Variants in ADAMTS19 observed in about 807,000 individuals in gnomAD.
ADAMTS19 encodes the protein ADAM metallopeptidase with thrombospondin type 1 motif 19, also known as A disintegrin and metalloproteinase with thrombospondin motifs 19.
Under a neutral mutation model 153.3 loss-of-function variants are expected in ADAMTS19, and 93 were observed. The ratio of observed to expected loss-of-function variants is 0.61; its 90% CI spans 0.51 to 0.72. The LOEUF (loss-of-function observed/expected upper bound fraction) is 0.72, where lower values mean the gene tolerates loss of function less well. Among genes scored for constraint, ADAMTS19 ranks in the 30% least tolerant of loss-of-function variants. ADAMTS19 has a pLI of 0.00. For synonymous variants in ADAMTS19, 600 were observed against 556.6 expected (o/e 1.08, Z -1.10); for missense variants, 1,482 against 1,552.1 (o/e 0.95, Z 0.76).
At chr5:129,633,426 T>C (rs1752395396) in intron 10 of ADAMTS19, among the ~76,000 whole-genome samples, 1 of 152,196 alleles carries the variant, frequency 6.6e-6, no homozygotes, top group African/African-American at 2.4e-5. Flanking sequence ...AATTTTTACT[T>C]CTATACTAGA....
intron 6 of ADAMTS19, among the ~76,000 whole-genome samples, chr5:129,547,283 T>A (rs865873933): frequency 1.3e-5 from 2 of 150,664 alleles, no homozygotes; most frequent in African/African-American, 5.0e-5. Context: ...TGGAAGCTAG[T>A]GAAGGCAAGG....
intron 8 of ADAMTS19, among the ~76,000 whole-genome samples, chr5:129,601,668 C>G (rs1251826909): frequency 6.6e-6 from 1 of 152,178 alleles, no homozygotes; most frequent in Non-Finnish European, 1.5e-5. Context: ...GCTCAAGCTT[C>G]CAGTTGTTCT....
intron 15 of ADAMTS19, among the ~76,000 whole-genome samples, chr5:129,663,084 C>T (rs557784982): frequency 7.2e-5 from 11 of 151,876 alleles, no homozygotes; most frequent in African/African-American, 2.2e-4. Context: ...TTAGTAGAGA[C>T]GGGGTTTCAC....
At chr5:129,723,974 A>T (rs1757107179) in intron 21 of ADAMTS19, among the ~76,000 whole-genome samples, 1 of 152,212 alleles carries the variant, frequency 6.6e-6, no homozygotes, top group Non-Finnish European at 1.5e-5. Context: ...TTATTTAAAG[A>T]CCTGGAATCA....
At chr5:129,623,857 A>T (rs2126983506) in intron 10 of ADAMTS19, among the ~76,000 whole-genome samples, 1 of 146,044 alleles carries the variant, frequency 6.8e-6, no homozygotes, top group Admixed American at 7.0e-5. Context: ...GAGGTGGCTC[A>T]CACCTGTAAT....
chr5:129,486,048 C>T (rs2126679775), intron 2 of ADAMTS19, among the ~76,000 whole-genome samples: 1 of 152,258 alleles, frequency 6.6e-6, no homozygotes, highest in Middle Eastern at 3.4e-3. Context: ...GCCTCACCCT[C>T]CCAAACTGCT....
chr5:129,463,865 C>G (rs1262709299), intron 2 of ADAMTS19, among the ~76,000 whole-genome samples: 2 of 152,166 alleles, frequency 1.3e-5, no homozygotes, highest in Admixed American at 1.3e-4. Context: ...ATAGAATGTT[C>G]TGCCTTTTAG....
At chr5:129,517,256 G>A (rs2126740311) in intron 3 of ADAMTS19, among the ~76,000 whole-genome samples, 1 of 152,006 alleles carries the variant, frequency 6.6e-6, no homozygotes. Flanking sequence ...ATGGTATTCT[G>A]CAGCTCTTGG....
intron 21 of ADAMTS19, among the ~76,000 whole-genome samples, chr5:129,719,174 T>C (rs1212829974): frequency 5.3e-5 from 8 of 152,226 alleles, no homozygotes; most frequent in Non-Finnish European, 8.8e-5. Context: ...GTGATATTTT[T>C]ACTGTTGTGT....
rs148778677 is a variant in ADAMTS19, at chr5:129,465,008, G to A, written c.747+3251G>A. Among the ~76,000 whole-genome samples, 128 of 152,180 alleles carry A rather than the reference G, an allele frequency of 8.4e-4. 2 individuals carry two copies. Among genetic ancestry groups the A allele is most frequent in the African/African-American group, 3.0e-3 (124 of 41,524 alleles). On this transcript the variant is annotated intron_variant, in intron 2 of 22. Coordinates refer to ENST00000274487, the MANE Select transcript of ADAMTS19 (RefSeq NM_133638.6). ...TGAAGCAGTCTCGATATATTTCACA[G>A]GGCCCTCAACCTAACTTGCCAGTTA...
At chr5:129,544,945 A>C (rs1381231393) in intron 6 of ADAMTS19, among the ~76,000 whole-genome samples, 1 of 152,164 alleles carries the variant, frequency 6.6e-6, no homozygotes, top group Non-Finnish European at 1.5e-5. Context: ...ACTTAGTGAA[A>C]GCATATGCAA....
In ADAMTS19 at chr5:129,509,061, G is replaced by C. The variant is rs576852196; in HGVS notation, c.748-16G>C. ...AATGATATTTCTTACATATCTTTTT[G>C]TGTTATATATTCCAGATGGGATTTA... On this transcript the variant is annotated splice_polypyrimidine_tract_variant and intron_variant, in intron 2 of 22. Transcript: ENST00000274487. 20 of 1,546,180 alleles carry C rather than the reference G, an allele frequency of 1.3e-5. 1 individual carries two copies. In the South Asian group the frequency reaches 2.3e-4, roughly 18 times the overall value.
intron 2 of ADAMTS19, among the ~76,000 whole-genome samples, chr5:129,474,210 C>T (rs1750153013): frequency 1.3e-5 from 2 of 152,114 alleles, no homozygotes; most frequent in South Asian, 2.1e-4. Flanking sequence ...GAGGTTCATC[C>T]ATGTGGTAGC....
intron 21 of ADAMTS19, among the ~76,000 whole-genome samples, chr5:129,712,233 C>T (rs1386215992): frequency 1.3e-5 from 2 of 152,084 alleles, no homozygotes; most frequent in African/African-American, 4.8e-5. Flanking sequence ...AGAAAACTAT[C>T]ACACCGAAAG....
intron 17 of ADAMTS19, among the ~76,000 whole-genome samples, chr5:129,680,337 G>T (rs771136241): frequency 2.6e-5 from 4 of 152,098 alleles, no homozygotes; most frequent in Admixed American, 1.3e-4. Flanking sequence ...TATTCTACCC[G>T]AGAGAAGGAA....
chr5:129,544,479 A>C (rs1752781692), intron 6 of ADAMTS19, among the ~76,000 whole-genome samples: 1 of 152,204 alleles, frequency 6.6e-6, no homozygotes, highest in Non-Finnish European at 1.5e-5. Context: ...TAGGTCACAG[A>C]TTAAGTCCAG....
intron 21 of ADAMTS19, among the ~76,000 whole-genome samples, chr5:129,705,659 C>T (rs1561660441): frequency 6.6e-6 from 1 of 152,290 alleles, no homozygotes; most frequent in Non-Finnish European, 1.5e-5. Flanking sequence ...CATAAGGAAA[C>T]TTCACACTTC....
chr5:129,658,630 A>ACCC lies in ADAMTS19; in HGVS notation c.2318_2319insCCC (p.Asp773_Gly774insPro), dbSNP rs1753693789. 1 of 1,611,280 alleles carries ACCC rather than the reference A, an allele frequency of 6.2e-7. No individual in the cohort carries two copies. Among genetic ancestry groups the ACCC allele is most frequent in the Non-Finnish European group, 8.5e-7 (1 of 1,178,988 alleles). On this transcript the variant is annotated inframe_insertion, in exon 15 of 23. Transcript: ENST00000274487. Reference sequence around the variant, plus strand: ...CTCTTGTTACAGAAAGTTGGCTGTGATGGTTTATTAGGGTCTCTTGCAAGA... The same window carrying ACCC: ...CTCTTGTTACAGAAAGTTGGCTGTGACCCTGGTTTATTAGGGTCTCTTGCAAGA...
At chr5:129,701,324 C>T (rs989908321) in intron 19 of ADAMTS19, 64 bp from the exon 20 acceptor site, 42 of 1,554,126 alleles carry the variant, frequency 2.7e-5, no homozygotes, top group Non-Finnish European at 3.5e-5. Context: ...AGTGTGAGAA[C>T]AGACTAATAC....
Sources: gnomAD v4.1 joint callset for allele counts (sites outside exome capture counted in the v4.1 genomes callset) on GRCh38, gnomAD v4.1.1 for gene constraint, MANE v1.5 for transcripts, NCBI Gene and HGNC (gene_info 2026-07-23, HGNC 2026-07-21) for gene names.